Variants in DCDC2C observed in about 807,000 individuals in gnomAD.
DCDC2C encodes the protein doublecortin domain-containing protein 2C.
In DCDC2C, 44 loss-of-function variants were observed where a neutral mutation model predicts 45.0. That is an observed-to-expected ratio of 0.98 (90% CI 0.77 to 1.26). The LOEUF is 1.26. Ranked by LOEUF, DCDC2C falls within the 50% of genes most tolerant of loss-of-function variation. The pLI is 0.00. For missense variants in DCDC2C, 447 were observed against 468.9 expected (o/e 0.95, Z 0.43); for synonymous variants, 187 against 178.8 (o/e 1.05, Z -0.37).
chr2:3,808,834 G>A lies in DCDC2C; in HGVS notation c.1065+23734G>A, dbSNP rs148931418. 6.0e-4 allele frequency among the ~76,000 whole-genome samples: 91 copies of A among 152,176 alleles called. 3 individuals carry two copies. The East Asian group carries it at 0.016, about 27-fold the overall frequency. Reference sequence around the variant, plus strand: ...CTAAAATTTCTATGCCTAACCCAAAGTCTCAAAGATTTTCTACTGTTTTAT... The same window carrying A: ...CTAAAATTTCTATGCCTAACCCAAAATCTCAAAGATTTTCTACTGTTTTAT... On this transcript the variant is annotated intron_variant, in intron 10 of 10. Coordinates refer to ENST00000399143, the MANE Select transcript of DCDC2C (RefSeq NM_001287444.2).
rs1672115117 is a variant in DCDC2C, at chr2:3,837,661, CATACCTAGTCT to C, written c.1066-9491_1066-9481del. On this transcript the variant is annotated intron_variant, in intron 10 of 10. Transcript: ENST00000399143. ...TGGCTCCCCCTTTCTGTCACACCTA[CATACCTAGTCT>C]AGCAACAATTTTGCTAGACCAGGGT... Among the ~76,000 whole-genome samples the C allele has an allele frequency of 2.0e-5, 2 of 98,910 alleles. 1 individual carries two copies. Among genetic ancestry groups the C allele is most frequent in the Non-Finnish European group, 4.8e-5 (2 of 42,100 alleles). The allele number at this position is 98,910 out of a possible 152,430, so 64.9% of individuals were successfully genotyped here.
intron 10 of DCDC2C, among the ~76,000 whole-genome samples, chr2:3,803,410 G>T (rs899406772): frequency 6.6e-6 from 1 of 152,066 alleles, no homozygotes; most frequent in Non-Finnish European, 1.5e-5. Flanking sequence ...TCCTATCTTC[G>T]TGGGTTCTCC....
At chr2:3,824,258 A>G (rs957486332) in intron 10 of DCDC2C, among the ~76,000 whole-genome samples, 2 of 143,544 alleles carry the variant, frequency 1.4e-5, no homozygotes, top group African/African-American at 5.5e-5. Context: ...GCTTGATATC[A>G]TATGTAGCAG....
chr2:3,738,661 G>A (rs754999107), intron 3 of DCDC2C, among the ~76,000 whole-genome samples: 2 of 151,508 alleles, frequency 1.3e-5, no homozygotes, highest in Non-Finnish European at 2.9e-5. Context: ...TGGGCCATGC[G>A]TGATCAGGCG....
chr2:3,784,364 G>C (rs1309817756), intron 9 of DCDC2C, among the ~76,000 whole-genome samples: 1 of 151,876 alleles, frequency 6.6e-6, no homozygotes, highest in East Asian at 1.9e-4. Flanking sequence ...ATCATAGCTA[G>C]GAATATCTTC....
At chr2:3,805,313 C>G (rs935869794) in intron 10 of DCDC2C, among the ~76,000 whole-genome samples, 1 of 152,172 alleles carries the variant, frequency 6.6e-6, no homozygotes, top group Non-Finnish European at 1.5e-5. Flanking sequence ...TTGATGAGTC[C>G]GACCCCTGGT....
intron 10 of DCDC2C, among the ~76,000 whole-genome samples, chr2:3,836,717 C>CCGGGCACGGTGG (rs1672083701): frequency 1.3e-5 from 2 of 152,102 alleles, no homozygotes; most frequent in Non-Finnish European, 2.9e-5. Flanking sequence ...ACAAAATTAG[C>CCGGGCACGGTGG]CGGGCACGGT....
chr2:3,794,428 A>G (rs1670902807), intron 10 of DCDC2C, among the ~76,000 whole-genome samples: 1 of 152,140 alleles, frequency 6.6e-6, no homozygotes, highest in Admixed American at 6.5e-5. Flanking sequence ...GGTTAGTTAC[A>G]TATGTATACA....
chr2:3,732,160 G>A (rs1668889850), intron 3 of DCDC2C, among the ~76,000 whole-genome samples: 1 of 152,134 alleles, frequency 6.6e-6, no homozygotes, highest in Non-Finnish European at 1.5e-5. Flanking sequence ...CCGAGGAGTA[G>A]TTGATGCAAT....
At chr2:3,766,293 T>G (rs895148132) in intron 6 of DCDC2C, among the ~76,000 whole-genome samples, 1 of 148,636 alleles carries the variant, frequency 6.7e-6, no homozygotes, top group Non-Finnish European at 1.5e-5. Context: ...CACTCATACA[T>G]ACACATACAC....
intron 3 of DCDC2C, among the ~76,000 whole-genome samples, chr2:3,737,207 A>G (rs1461166594): frequency 6.6e-6 from 1 of 152,154 alleles, no homozygotes; most frequent in African/African-American, 2.4e-5. Context: ...AGGTCCAGAG[A>G]TAGAGCTATT....
At chr2:3,756,652 T>C (rs1669725852) in intron 6 of DCDC2C, among the ~76,000 whole-genome samples, 1 of 152,256 alleles carries the variant, frequency 6.6e-6, no homozygotes, top group African/African-American at 2.4e-5. Flanking sequence ...CGAGTCTTCA[T>C]GCCGAGTTCA....
chr2:3,729,443 T>C (rs1428723399), intron 3 of DCDC2C, among the ~76,000 whole-genome samples: 1 of 152,222 alleles, frequency 6.6e-6, no homozygotes, highest in Non-Finnish European at 1.5e-5. Flanking sequence ...GGGAAGGAGC[T>C]GAGTTCCACT....
chr2:3,755,267 A>G lies in DCDC2C; in HGVS notation c.726+633A>G, dbSNP rs1468529852. Among the ~76,000 whole-genome samples the G allele has an allele frequency of 2.6e-5, 4 of 152,108 alleles. No individual in the cohort carries two copies. The East Asian group carries it at 7.7e-4, about 29-fold the overall frequency. On this transcript the variant is annotated intron_variant, in intron 6 of 10. Transcript: ENST00000399143. ...GTGCATATGATGGGTACACGTGTGT[A>G]CATGGATGCATGTGTATGTGGATGC...
chr2:3,802,204 T>G lies in DCDC2C; in HGVS notation c.1065+17104T>G, dbSNP rs555887980. On this transcript the variant is annotated intron_variant, in intron 10 of 10. Transcript: ENST00000399143. Reference sequence around the variant, plus strand: ...GCTGCCATGTCATCCCTTTCTTCTATCTTTAGCCAATCCTGGGGTTGCTGT... The same window carrying G: ...GCTGCCATGTCATCCCTTTCTTCTAGCTTTAGCCAATCCTGGGGTTGCTGT... Among the ~76,000 whole-genome samples, 47 of 152,340 alleles carry G rather than the reference T, an allele frequency of 3.1e-4. 1 individual carries two copies. The South Asian group carries it at 9.7e-3, about 32-fold the overall frequency.
chr2:3,740,131 C>T (rs912684597), intron 3 of DCDC2C, among the ~76,000 whole-genome samples: 3 of 151,708 alleles, frequency 2.0e-5, no homozygotes, highest in Non-Finnish European at 3.0e-5. Context: ...TATATCTGAC[C>T]GTTTTTCCCC....
intron 5 of DCDC2C, 50 bp from the exon 6 acceptor site, chr2:3,754,541 TA>T: frequency 6.5e-7 from 1 of 1,537,096 alleles, no homozygotes; most frequent in Non-Finnish European, 8.8e-7. Context: ...TTTATAGAGA[TA>T]ACTTAGGGCC....
Position 3,752,916 on chromosome 2 carries a change from AC to A in DCDC2C, c.683+18del. 1 of 1,546,488 alleles carries A rather than the reference AC, an allele frequency of 6.5e-7. No individual in the cohort carries two copies. Among genetic ancestry groups the A allele is most frequent in the Non-Finnish European group, 8.7e-7 (1 of 1,144,664 alleles). On this transcript the variant is annotated intron_variant, in intron 5 of 10. Transcript: ENST00000399143. ...AGGTCCAACAGTGAGCATGCTTCGT[AC>A]CTTTCTTTCCTGAGTTTTGGAAAAA...
At chr2:3,770,325 G>A (rs577526369) in intron 8 of DCDC2C, among the ~76,000 whole-genome samples, 4 of 152,210 alleles carry the variant, frequency 2.6e-5, no homozygotes, top group East Asian at 1.9e-4. Flanking sequence ...TCCTTTCTCC[G>A]AATGGATCAC....
Sources: allele counts gnomAD v4.1 joint callset (sites outside exome capture counted in the v4.1 genomes callset), GRCh38; gene constraint gnomAD v4.1.1; transcripts MANE v1.5; gene names NCBI Gene and HGNC (gene_info 2026-07-23, HGNC 2026-07-21).